GLIS1: variants seen among roughly 807,000 people sequenced by gnomAD.
The protein encoded by GLIS1 is GLIS family zinc finger 1, also known as zinc finger protein GLIS1.
Under a neutral mutation model 63.8 loss-of-function variants are expected in GLIS1, and 24 were observed. The ratio of observed to expected loss-of-function variants is 0.38; its 90% CI spans 0.27 to 0.53. The LOEUF (loss-of-function observed/expected upper bound fraction) is 0.53. GLIS1 is among the 20% of genes least tolerant of loss of function. The pLI, the probability that GLIS1 is intolerant of heterozygous loss-of-function variation, is 0.85. For synonymous variants in GLIS1, 450 were observed against 482.5 expected (o/e 0.93, Z 0.88); for missense variants, 1,036 against 1,074.1 (o/e 0.96, Z 0.50).
intron 2 of GLIS1, among the ~76,000 whole-genome samples, chr1:53,612,407 T>G (rs1645433938): frequency 6.6e-6 from 1 of 151,986 alleles, no homozygotes; most frequent in Non-Finnish European, 1.5e-5. Flanking sequence ...ATCCAGCTAA[T>G]TTTTTTGTAT....
At chr1:53,557,330 TAAAG>T (rs763493908) in intron 4 of GLIS1, among the ~76,000 whole-genome samples, 19 of 152,168 alleles carry the variant, frequency 1.2e-4, no homozygotes, top group Non-Finnish European at 2.4e-4. Context: ...ATTTTGCAGA[TAAAG>T]AAACTGAGGC....
At chr1:53,710,741 G>C (rs183254364) in intron 2 of GLIS1, among the ~76,000 whole-genome samples, 53 of 152,314 alleles carry the variant, frequency 3.5e-4, no homozygotes, top group African/African-American at 1.2e-3. Context: ...CTCCAACACA[G>C]GGCCTGTCAC....
intron 2 of GLIS1, among the ~76,000 whole-genome samples, chr1:53,711,965 G>C (rs747052599): frequency 2.6e-5 from 4 of 152,224 alleles, no homozygotes; most frequent in African/African-American, 4.8e-5. Context: ...CTGTGAGTCT[G>C]AGTTCTGAGA....
At chr1:53,660,037 G>A (rs190498634) in intron 2 of GLIS1, among the ~76,000 whole-genome samples, 2 of 152,284 alleles carry the variant, frequency 1.3e-5, no homozygotes, top group East Asian at 1.9e-4. Context: ...ATTTGGCTCC[G>A]TGGTCACAAA....
At chr1:53,533,301 G>C (rs1644549601) in intron 4 of GLIS1, among the ~76,000 whole-genome samples, 2 of 152,218 alleles carry the variant, frequency 1.3e-5, no homozygotes, top group African/African-American at 2.4e-5. Flanking sequence ...AGTTCCTTGA[G>C]AGCAGGGCTG....
intron 2 of GLIS1, among the ~76,000 whole-genome samples, chr1:53,676,972 T>G (rs1646219406): frequency 6.6e-6 from 1 of 152,204 alleles, no homozygotes; most frequent in Non-Finnish European, 1.5e-5. Context: ...CTAAGGCTGA[T>G]CTACAAAACC....
chr1:53,525,253 G>A (rs553365493), intron 5 of GLIS1, among the ~76,000 whole-genome samples: 26 of 151,768 alleles, frequency 1.7e-4, no homozygotes, highest in African/African-American at 6.0e-4. Flanking sequence ...TGAGCAGACA[G>A]GGAGTGCAGT....
At chr1:53,634,510 G>A (rs1299396045) in intron 2 of GLIS1, among the ~76,000 whole-genome samples, 1 of 152,126 alleles carries the variant, frequency 6.6e-6, no homozygotes, top group Non-Finnish European at 1.5e-5. Context: ...TGTCAAGGCT[G>A]CTTACAAGAC....
chr1:53,545,100 G>T (rs1644684625), intron 4 of GLIS1, among the ~76,000 whole-genome samples: 1 of 152,198 alleles, frequency 6.6e-6, no homozygotes, highest in Non-Finnish European at 1.5e-5. Flanking sequence ...TCCAGACCTG[G>T]ATTCAAATCC....
At chr1:53,729,344 T>C (rs563906227) in intron 2 of GLIS1, among the ~76,000 whole-genome samples, 1 of 151,998 alleles carries the variant, frequency 6.6e-6, no homozygotes, top group African/African-American at 2.4e-5. Flanking sequence ...AGCACAGAGA[T>C]ATTCTCACAA....
rs1038972335 is a variant in GLIS1 at position 53,571,276 on chromosome 1, T to C, written c.1320+22832A>G. ...TTTGAGGACATAGAACCACAGGACT[T>C]CAATATGCTGTAGGTGCGAGTATAA... On this transcript the variant is annotated intron_variant, in intron 4 of 10. Transcript: ENST00000628545. 8.5e-5 allele frequency among the ~76,000 whole-genome samples: 13 copies of C among 152,202 alleles called. 1 individual carries two copies. Among genetic ancestry groups the C allele is most frequent in the African/African-American group, 3.1e-4 (13 of 41,436 alleles).
chr1:53,735,341 G>C (rs141930010), intron 2 of GLIS1, among the ~76,000 whole-genome samples: 37 of 152,278 alleles, frequency 2.4e-4, no homozygotes, highest in Admixed American at 1.4e-3. Flanking sequence ...TAATAAAAGT[G>C]CCTCCTTCTA....
rs1173685971 is a variant in GLIS1 at position 53,726,898 on chromosome 1, G to A, written c.259+10908C>T. Reference sequence around the variant, plus strand: ...CAGAGGAGAAACAACATCAGACAGAGTCAGGCCTGGGACCTAGCCCAGCTC... The same window carrying A: ...CAGAGGAGAAACAACATCAGACAGAATCAGGCCTGGGACCTAGCCCAGCTC... On this transcript the variant is annotated intron_variant, in intron 2 of 10. Transcript: ENST00000628545. Among the ~76,000 whole-genome samples the A allele has an allele frequency of 4.6e-5, 7 of 152,344 alleles. No individual in the cohort carries two copies. In the East Asian group the frequency reaches 1.3e-3, roughly 29 times the overall value.
chr1:53,730,876 A>T (rs1646853104), intron 2 of GLIS1, among the ~76,000 whole-genome samples: 1 of 103,492 alleles, frequency 9.7e-6, no homozygotes, highest in Non-Finnish European at 2.5e-5. Flanking sequence ...TCACAAGCAA[A>T]CTCTCAAGTT....
chr1:53,712,777 C>A (rs1031702319), intron 2 of GLIS1, among the ~76,000 whole-genome samples: 1 of 152,148 alleles, frequency 6.6e-6, no homozygotes, highest in African/African-American at 2.4e-5. Flanking sequence ...CTGGTCCTAC[C>A]CAGGCTCTGA....
chr1:53,733,617 C>G (rs937312870), intron 2 of GLIS1, among the ~76,000 whole-genome samples: 13 of 152,180 alleles, frequency 8.5e-5, no homozygotes, highest in Admixed American at 6.5e-4. Flanking sequence ...AATTATATTT[C>G]CGCTACATGT....
chr1:53,520,956 T>G (rs1420930099), intron 6 of GLIS1, among the ~76,000 whole-genome samples, 190 bp from the exon 7 acceptor site: 2 of 152,224 alleles, frequency 1.3e-5, no homozygotes, highest in African/African-American at 2.4e-5. Context: ...GTCCAGGTCC[T>G]TTGAGAAGCA....
At chr1:53,644,498 T>C (rs1359563846) in intron 2 of GLIS1, among the ~76,000 whole-genome samples, 2 of 152,100 alleles carry the variant, frequency 1.3e-5, no homozygotes, top group African/African-American at 2.4e-5. Flanking sequence ...AGGTGACTCA[T>C]AAATAACAAA....
intron 2 of GLIS1, among the ~76,000 whole-genome samples, chr1:53,657,968 A>G (rs1173909060): frequency 1.3e-5 from 2 of 151,980 alleles, no homozygotes; most frequent in East Asian, 1.9e-4. Flanking sequence ...CTGGTCCCCT[A>G]CTAGCCACAT....
Sources: gnomAD v4.1 joint callset for allele counts (sites outside exome capture counted in the v4.1 genomes callset) on GRCh38, gnomAD v4.1.1 for gene constraint, MANE v1.5 for transcripts, NCBI Gene and HGNC (gene_info 2026-07-23, HGNC 2026-07-21) for gene names.